The following NRDC variants were observed in gnomAD, a reference collection of about 807,000 sequenced individuals.
The protein encoded by NRDC is nardilysin convertase.
In NRDC, 54 loss-of-function variants were observed where a neutral mutation model predicts 147.1. The ratio of observed to expected loss-of-function variants is 0.37; its 90% confidence interval spans 0.29 to 0.46. The LOEUF (loss-of-function observed/expected upper bound fraction) is 0.46, where lower values mean the gene tolerates loss of function less well. Ranked by LOEUF, NRDC falls within the 20% of genes least tolerant of loss-of-function variation. NRDC has a pLI of 1.00. For synonymous variants in NRDC, 440 were observed against 482.1 expected, an observed-to-expected ratio of 0.91 and a Z score of 1.14; for missense variants, 1,082 against 1,370.6, an observed-to-expected ratio of 0.79 and a Z score of 3.33.
At chr1:51,834,385 G>GCCTCCTGGGTTCAAGTGATTCTTGCA (rs1680849325) in intron 3 of NRDC, among the ~76,000 whole-genome samples, 1 of 151,854 alleles carries the variant, frequency 6.6e-6, no homozygotes, top group African/African-American at 2.4e-5. Context: ...TGCAAACTCT[G>GCCTCCTGGGTTCAAGTGATTCTTGCA]CCTCCTGGGT....
chr1:51,837,535 AGGG>A lies in NRDC; in HGVS notation c.631-1326_631-1324del, dbSNP rs753527835. ...ATAAAGATTTCTTGTCTCGACCAGCAGGGTTGAAGACATTTTTGAATAAGTTGA... is the reference window on the plus strand; with the variant it reads ...ATAAAGATTTCTTGTCTCGACCAGCATTGAAGACATTTTTGAATAAGTTGA... On this transcript the variant is annotated intron_variant, in intron 2 of 30. Transcript: ENST00000352171. The A allele has an allele frequency of 3.1e-6, 5 of 1,591,264 alleles. No individual in the cohort carries two copies. In the South Asian group the frequency reaches 3.4e-5, roughly 11 times the overall value.
intron 1 of NRDC, among the ~76,000 whole-genome samples, chr1:51,848,193 C>T (rs1029619868): frequency 5.3e-5 from 8 of 152,088 alleles, no homozygotes; most frequent in Admixed American, 3.9e-4. Flanking sequence ...AAAATAATTA[C>T]GGTGGGGCGC....
chr1:51,840,518 G>A lies in NRDC; in HGVS notation c.342-4C>T. 6.4e-7 allele frequency: 1 copy of A among 1,569,554 alleles called. No individual in the cohort carries two copies. On this transcript the variant is annotated splice_region_variant and splice_polypyrimidine_tract_variant and intron_variant, in intron 1 of 30. Transcript: ENST00000352171. The stretch of plus-strand genomic sequence containing the variant: ...GCCATTCTGTAATTTGATGTATCTG[G>A]GGGGAGAAAAAAAAAATCACACATT...
intron 1 of NRDC, among the ~76,000 whole-genome samples, chr1:51,846,510 C>A (rs181311483): frequency 9.2e-5 from 14 of 152,230 alleles, no homozygotes; most frequent in Admixed American, 1.3e-4. Flanking sequence ...CGCGGAGCCC[C>A]GCGGTGAGTG....
chr1:51,801,024 T>G (rs752142213), intron 20 of NRDC: 3 of 177,614 alleles, frequency 1.7e-5, no homozygotes, highest in Non-Finnish European at 3.5e-5. Flanking sequence ...TTTTTGCTTT[T>G]GTACAGACAA....
chr1:51,845,524 C>G (rs1681512426), intron 1 of NRDC, among the ~76,000 whole-genome samples: 1 of 152,060 alleles, frequency 6.6e-6, no homozygotes, highest in African/African-American at 2.4e-5. Context: ...ACCCGGGAGG[C>G]GGAGGTTGCA....
intron 1 of NRDC, among the ~76,000 whole-genome samples, chr1:51,845,618 A>G (rs1217432675): frequency 1.3e-5 from 2 of 151,960 alleles, no homozygotes; most frequent in Non-Finnish European, 2.9e-5. Flanking sequence ...AAAGAAAAGA[A>G]ATGTCCCGTT....
At chr1:51,829,852 AT>A (rs138668272) in intron 4 of NRDC, among the ~76,000 whole-genome samples, 3,074 of 151,192 alleles carry the variant, frequency 0.02, 112 homozygotes, top group African/African-American at 0.072. Context: ...GACATTTTCA[AT>A]TTTTTTTATC....
chr1:51,869,488 T>A (rs1682981480), intron 1 of NRDC, among the ~76,000 whole-genome samples: 1 of 152,214 alleles, frequency 6.6e-6, no homozygotes, highest in Admixed American at 6.5e-5. Context: ...ACAGTAATGT[T>A]TTTTCCTTTT....
intron 17 of NRDC, among the ~76,000 whole-genome samples, chr1:51,808,469 A>C (rs181123628): frequency 2.1e-3 from 327 of 152,364 alleles, no homozygotes; most frequent in Non-Finnish European, 3.7e-3. Flanking sequence ...TATCAGTACT[A>C]CACTTTTTAT....
intron 20 of NRDC, among the ~76,000 whole-genome samples, chr1:51,802,368 T>C (rs1025656800): frequency 7.2e-5 from 11 of 152,188 alleles, no homozygotes; most frequent in African/African-American, 2.2e-4. Context: ...CATACATACA[T>C]ACATATATAT....
rs1208944576 is a variant in NRDC, at chr1:51,792,394, G to A, written c.2806C>T (p.Leu936Phe). The A allele has an allele frequency of 2.5e-6, 4 of 1,614,058 alleles. No homozygotes were observed. The Admixed American group carries it at 6.7e-5, about 27-fold the overall frequency. Reference protein sequence around the residue: ...SGTRSLREYTLMELLVMHMEE... With the variant: ...SGTRSLREYTFMELLVMHMEE... ...GCACTTACCACAAGCAGCTCCATAA[G>A]CGTATATTCTCTTAGACTCCTGGTA... The change falls in exon 25 of 31, where the codon CTT becomes TTT. Residue 936 changes from leucine (L) to phenylalanine (F), a missense_variant. Leu to Phe is a conservative substitution (Grantham distance 22, BLOSUM62 0). Transcript: ENST00000352171.
Position 51,791,561 on chromosome 1 carries a change from T to TTCAC in NRDC, c.2960+13_2960+16dup, listed in dbSNP as rs758002090. ...GTCCATAATAGGTTACACTCATCTA[T>TTCAC]TCACTCACTCACTCACTTGTATTTG... On this transcript the variant is annotated intron_variant, in intron 27 of 30. Coordinates refer to ENST00000352171, the MANE Select transcript of NRDC (RefSeq NM_001101662.2). The TTCAC allele has an allele frequency of 3.9e-5, 62 of 1,587,484 alleles. No homozygotes were observed. Among genetic ancestry groups the TTCAC allele is most frequent in the Middle Eastern group, 1.7e-4 (1 of 6,000 alleles).
At chr1:51,877,943 G>C in intron 1 of NRDC, 7 of 1,002,406 alleles carry the variant, frequency 7.0e-6, no homozygotes, top group Non-Finnish European at 8.8e-6. Context: ...ATCCAACTCC[G>C]TCAACCTTTC....
chr1:51,827,767 T>A, intron 5 of NRDC, 29 bp downstream of exon 5: 1 of 1,569,710 alleles, frequency 6.4e-7, no homozygotes, highest in Non-Finnish European at 8.8e-7. Flanking sequence ...AGGAAAAAAC[T>A]GTAGTTACAC....
intron 1 of NRDC, among the ~76,000 whole-genome samples, chr1:51,875,142 C>T (rs889261028): frequency 3.9e-5 from 6 of 152,164 alleles, no homozygotes; most frequent in African/African-American, 1.4e-4. Flanking sequence ...TTTCTGGTTA[C>T]AAAAATTCAT....
intron 1 of NRDC, 32 bp downstream of exon 1, chr1:51,878,243 T>C (rs755303889): frequency 6.3e-7 from 1 of 1,584,394 alleles, no homozygotes; most frequent in Non-Finnish European, 8.6e-7. Context: ...CGGCACACTG[T>C]TCGCCTCCCC....
intron 16 of NRDC, among the ~76,000 whole-genome samples, chr1:51,810,059 C>T (rs1484757417): frequency 1.3e-5 from 2 of 152,242 alleles, no homozygotes; most frequent in East Asian, 3.9e-4. Flanking sequence ...CAAAACTCTG[C>T]CCCCAAAATA....
At chr1:51,862,090 G>A (rs1210691718) in intron 1 of NRDC, 1 of 152,150 alleles carries the variant, frequency 6.6e-6, no homozygotes, top group African/African-American at 2.4e-5. Context: ...TTGGACCATG[G>A]AGTTCATTCA....
Sources: gnomAD v4.1 joint callset for allele counts (sites outside exome capture counted in the v4.1 genomes callset) on GRCh38, gnomAD v4.1.1 for gene constraint, MANE v1.5 for transcripts, NCBI Gene and HGNC (gene_info 2026-07-23, HGNC 2026-07-21) for gene names.